Variants in ATP1B4 observed in about 807,000 individuals in gnomAD.
The protein encoded by ATP1B4 is protein ATP1B4.
In ATP1B4, 32 loss-of-function variants were observed where a neutral mutation model predicts 29.6. That is an observed-to-expected ratio of 1.08 (90% confidence interval 0.82 to 1.45). The LOEUF (loss-of-function observed/expected upper bound fraction) is 1.45. Among genes scored for constraint, ATP1B4 ranks in the 40% most tolerant of loss-of-function variants. The probability of loss-of-function intolerance (pLI) is 0.00; values close to 1 mark genes in which losing one functional copy is unlikely to be tolerated. For missense variants in ATP1B4, 323 were observed against 276.2 expected (o/e 1.17, Z -1.20); for synonymous variants, 127 against 102.1 (o/e 1.24, Z -1.47).
intron 4 of ATP1B4, among the ~76,000 whole-genome samples, chrX:120,374,321 G>T (rs1034536264): frequency 9.4e-6 from 1 of 106,341 alleles, no homozygotes; most frequent in African/African-American, 3.4e-5. Context: ...GAGGTGGGGT[G>T]CTACTGAACC....
At chrX:120,366,465 T>G in intron 1 of ATP1B4, 60 bp from the exon 2 acceptor site, 1 of 1,140,989 alleles carries the variant, frequency 8.8e-7, no homozygotes, top group African/African-American at 1.8e-5. Flanking sequence ...TTTTGGCTGG[T>G]GGGATGCACC....
chrX:120,371,206 C>A lies in ATP1B4; in HGVS notation c.558C>A (p.Leu186=). 3.3e-6 allele frequency: 4 copies of A among 1,195,555 alleles called. No individual in the cohort carries two copies. In the South Asian group the frequency reaches 5.3e-5, roughly 16 times the overall value. ...ATGTGATTAGCCTAAATGGCTTTCT[C>A]CAGGGTAAGTAAGTTCGTCTGAATA... ...QHYVISLNGF[L]QGYNDSLQEE... The change falls in exon 4 of 8, where the codon CTC becomes CTA. Residue 186 remains leucine (L), a synonymous_variant. Transcript: ENST00000218008.
intron 1 of ATP1B4, 26 bp from the exon 2 acceptor site, chrX:120,366,499 G>T: frequency 8.5e-7 from 1 of 1,180,299 alleles, no homozygotes; most frequent in Non-Finnish European, 1.1e-6. Flanking sequence ...TTTCAAAAAG[G>T]GTATTGTGTT....
rs753848544 is a variant in ATP1B4 at position 120,379,514 on chromosome X, C to T, written c.954C>T (p.Asp318=). 4.6e-5 allele frequency: 56 copies of T among 1,208,765 alleles called. No homozygotes were observed. Among genetic ancestry groups the T allele is most frequent in the Non-Finnish European group, 5.8e-5 (52 of 894,533 alleles). Residue 318 remains aspartate, a synonymous_variant, in exon 8 of 8, where the codon GAC becomes GAT. Transcript: ENST00000218008. ...CCTTGGTGGCAATGCACTTTACAGA[C>T]GTGGTGAAGAACCAAGCAGTGCCTG... ...TSPLVAMHFT[D]VVKNQAVPVQ...
chrX:120,378,785 T>C lies in ATP1B4; in HGVS notation c.912+12T>C. The stretch of plus-strand genomic sequence containing the variant: ...GCAAACTGACTCACGTAAGCTGTAT[T>C]CCCTTTAGTCATTGCTGTCAGAAAG... On this transcript the variant is annotated intron_variant, in intron 7 of 7. Transcript: ENST00000218008. 1.7e-6 allele frequency: 2 copies of C among 1,189,690 alleles called. No individual in the cohort carries two copies. Among genetic ancestry groups the C allele is most frequent in the Non-Finnish European group, 2.3e-6 (2 of 875,694 alleles).
intron 1 of ATP1B4, among the ~76,000 whole-genome samples, chrX:120,362,694 T>C (rs896818765): frequency 9.0e-6 from 1 of 111,541 alleles, no homozygotes; most frequent in African/African-American, 3.3e-5. Flanking sequence ...TTCCAAACTA[T>C]AGCTAAAATC....
chrX:120,365,419 A>C (rs1451064703), intron 1 of ATP1B4, among the ~76,000 whole-genome samples: 1 of 111,804 alleles, frequency 8.9e-6, no homozygotes, highest in Non-Finnish European at 1.9e-5. Context: ...CCTCCCCCCA[A>C]CAAAGGCAGC....
chrX:120,372,572 A>T (rs1410903431), intron 4 of ATP1B4, among the ~76,000 whole-genome samples: 1 of 111,972 alleles, frequency 8.9e-6, no homozygotes, highest in Non-Finnish European at 1.9e-5. Flanking sequence ...TATAAGTGTT[A>T]TAAAGGGACC....
intron 4 of ATP1B4, among the ~76,000 whole-genome samples, chrX:120,371,623 A>G (rs1024776013): frequency 2.7e-5 from 3 of 111,702 alleles, no homozygotes; most frequent in African/African-American, 9.8e-5. Context: ...TCTCAAGGTA[A>G]AAGAAGTCAT....
chrX:120,374,707 T>TATAC lies in ATP1B4; in HGVS notation c.563-664_563-663insTACA, dbSNP rs1556039681. Among the ~76,000 whole-genome samples, 4 of 31,124 alleles carry TATAC rather than the reference T, an allele frequency of 1.3e-4. 1 individual carries two copies. The highest frequency in any genetic ancestry group is 9.6e-4 in the South Asian group (1 of 1,045). The allele number at this position is 31,124 out of a possible 115,157, so 27.0% of individuals were successfully genotyped here. A position where few individuals can be genotyped will look rare whatever the true frequency, so the allele number is the denominator to read the frequency against. Reference sequence around the variant, plus strand: ...TACCCTTATATATAATATATATATATACCCTTATATATAATATATATATTA... The same window carrying TATAC: ...TACCCTTATATATAATATATATATATATACACCCTTATATATAATATATATATTA... On this transcript the variant is annotated intron_variant, in intron 4 of 7. Coordinates refer to ENST00000218008, the MANE Select transcript of ATP1B4 (RefSeq NM_001142447.3).
Position 120,382,570 on chromosome X carries a change from C to T in ATP1B4, c.*2936C>T, listed in dbSNP as rs1258716064. 1.8e-5 allele frequency: 2 copies of T among 112,109 alleles called. No homozygotes were observed. The highest frequency in any genetic ancestry group is 6.5e-5 in the African/African-American group (2 of 30,867). 9.2% of individuals were successfully genotyped at this position (112,109 alleles called of 1,213,427 possible). ...GGTCCAGTGCTCTTTCTACTCTGAGCTGCTGCTTACCAGAAAGTACCATCT... is the reference window on the plus strand; with the variant it reads ...GGTCCAGTGCTCTTTCTACTCTGAGTTGCTGCTTACCAGAAAGTACCATCT... On this transcript the variant is annotated 3_prime_UTR_variant, in exon 8 of 8. Transcript: ENST00000218008.
At chrX:120,374,219 C>G (rs1207481355) in intron 4 of ATP1B4, among the ~76,000 whole-genome samples, 1 of 109,879 alleles carries the variant, frequency 9.1e-6, no homozygotes. Context: ...GTCTGCAGTG[C>G]CCCGCCAGTG....
In ATP1B4 at chrX:120,379,746, G is replaced by C. The variant is rs1252953835; in HGVS notation, c.*112G>C. ...AGGACACAGCCAGATGGACATCTAA[G>C]ACAGCCGATCATCTTTCCTTGCCTA... is the stretch of plus-strand genomic sequence containing the variant. On this transcript the variant is annotated 3_prime_UTR_variant, in exon 8 of 8. Coordinates refer to ENST00000218008, the MANE Select transcript of ATP1B4 (RefSeq NM_001142447.3). 2.2e-5 allele frequency: 17 copies of C among 779,117 alleles called. No individual in the cohort carries two copies. The highest frequency in any genetic ancestry group is 8.9e-6 in the Non-Finnish European group (5 of 559,272). The allele number at this position is 779,117 out of a possible 1,213,427, so 64.2% of individuals were successfully genotyped here. A position where few individuals can be genotyped will look rare whatever the true frequency, so the allele number is the denominator to read the frequency against.
In ATP1B4 at chrX:120,371,347, C is replaced by T; in HGVS notation, c.562+137C>T. 6.3e-6 allele frequency: 3 copies of T among 474,783 alleles called. No homozygotes were observed. The East Asian group carries it at 1.1e-4, about 17-fold the overall frequency. The allele number at this position is 474,783 out of a possible 1,213,427, so 39.1% of individuals were successfully genotyped here. On this transcript the variant is annotated intron_variant, in intron 4 of 7. Coordinates refer to ENST00000218008, the MANE Select transcript of ATP1B4 (RefSeq NM_001142447.3). The stretch of plus-strand genomic sequence containing the variant: ...TCATGGTCTGTCCTTACTTTGCATC[C>T]CCCTTAGCACCTGTAGCTACAATCA...
intron 4 of ATP1B4, among the ~76,000 whole-genome samples, chrX:120,374,945 A>G (rs1316612077): frequency 1.0e-5 from 1 of 99,716 alleles, no homozygotes; most frequent in Non-Finnish European, 2.0e-5. Flanking sequence ...CCATACCTTG[A>G]ATGTTTCAGT....
chrX:120,366,834 T>C, intron 2 of ATP1B4, 45 bp downstream of exon 2: 2 of 1,185,296 alleles, frequency 1.7e-6, no homozygotes, highest in Non-Finnish European at 1.1e-6. Context: ...GTCCTTTGCT[T>C]TTGGTGTGGT....
chrX:120,378,723 T>A lies in ATP1B4; in HGVS notation c.862T>A (p.Ser288Thr), dbSNP rs2147257991. 8.3e-7 allele frequency: 1 copy of A among 1,210,902 alleles called. No individual in the cohort carries two copies. The highest frequency in any genetic ancestry group is 3.0e-5 in the East Asian group (1 of 33,800). ...DIRSISYYPESASFDLRYYPY... is the reference protein window; with the variant it reads ...DIRSISYYPETASFDLRYYPY... Reference sequence around the variant, plus strand: ...CCGATCCATCAGTTACTACCCAGAGTCGGCTTCTTTTGACCTCCGCTACTA... The same window carrying A: ...CCGATCCATCAGTTACTACCCAGAGACGGCTTCTTTTGACCTCCGCTACTA... The change falls in exon 7 of 8, where the codon TCG (serine) becomes ACG (threonine). Residue 288 changes from serine to threonine, a missense_variant. Physicochemically the swap from Ser to Thr is moderately conservative, Grantham distance 58 (BLOSUM62 1). Transcript: ENST00000218008.
intron 2 of ATP1B4, among the ~76,000 whole-genome samples, chrX:120,370,509 C>A (rs1030421013): frequency 8.9e-6 from 1 of 112,097 alleles, no homozygotes; most frequent in Non-Finnish European, 1.9e-5. Context: ...ATCGGAGATG[C>A]TGTAAAGGTA....
intron 2 of ATP1B4, among the ~76,000 whole-genome samples, chrX:120,367,491 A>AC (rs1459673791): frequency 9.0e-6 from 1 of 111,147 alleles, no homozygotes; most frequent in Non-Finnish European, 1.9e-5. Context: ...CTTCACCAGC[A>AC]CTCACCTCCT....
Sources: allele counts gnomAD v4.1 joint callset (sites outside exome capture counted in the v4.1 genomes callset), GRCh38; gene constraint gnomAD v4.1.1; transcripts MANE v1.5; gene names NCBI Gene and HGNC (gene_info 2026-07-23, HGNC 2026-07-21).